SYTL2: variants seen among roughly 807,000 people sequenced by gnomAD.
SYTL2 encodes the protein synaptotagmin like 2.
SYTL2 carries 165 observed loss-of-function variants against 198.7 expected under a neutral mutation model. The ratio of observed to expected loss-of-function variants is 0.83; its 90% CI spans 0.73 to 0.94. The LOEUF (loss-of-function observed/expected upper bound fraction) is 0.94, where lower values mean the gene tolerates loss of function less well. SYTL2 is among the 40% of genes least tolerant of loss of function. The pLI, the probability that SYTL2 is intolerant of heterozygous loss-of-function variation, is 0.00. For missense variants in SYTL2, 2,835 were observed against 2,582.8 expected (o/e 1.10, Z -2.12); for synonymous variants, 966 against 917.7 (o/e 1.05, Z -0.95).
upstream of SYTL2, among the ~76,000 whole-genome samples, chr11:85,815,639 G>C (rs1041621710): frequency 1.3e-5 from 2 of 152,136 alleles, no homozygotes; most frequent in African/African-American, 4.8e-5. Flanking sequence ...ATTAGTGTCT[G>C]CATTTTACAG....
chr11:85,705,017 T>G lies in SYTL2; in HGVS notation c.6030A>C (p.Glu2010Asp). 1 of 1,610,720 alleles carries G rather than the reference T, an allele frequency of 6.2e-7. No homozygotes were observed. Among genetic ancestry groups the G allele is most frequent in the South Asian group, 1.1e-5 (1 of 90,592 alleles). The change falls in exon 16 of 20, where the codon GAA becomes GAC. Residue 2010 changes from glutamate (E) to aspartate (D), a missense_variant. Glu to Asp is a conservative substitution (Grantham distance 45). Coordinates refer to ENST00000359152, the MANE Select transcript of SYTL2 (RefSeq NM_206927.4). The stretch of plus-strand genomic sequence containing the variant: ...ATTTCTGTGTCTTTAAGATTTGTTT[T>G]TCAATTTTATACTGAAGTTCAAAGA... ...VYNEILRYKI[E>D]KQILKTQKLN...
At chr11:85,807,249 C>T (rs572356991) in intron 1 of SYTL2, among the ~76,000 whole-genome samples, 38 of 152,336 alleles carry the variant, frequency 2.5e-4, no homozygotes, top group African/African-American at 8.9e-4. Context: ...CAATGAGATA[C>T]TAGCCACCAA....
At chr11:85,762,958 A>G (rs1364010262) in intron 1 of SYTL2, among the ~76,000 whole-genome samples, 1 of 152,130 alleles carries the variant, frequency 6.6e-6, no homozygotes, top group Non-Finnish European at 1.5e-5. Flanking sequence ...ATGAAAAAAA[A>G]AAATGATGAA....
chr11:85,719,802 A>T (rs2088001757), intron 9 of SYTL2, among the ~76,000 whole-genome samples: 1 of 152,190 alleles, frequency 6.6e-6, no homozygotes, highest in African/African-American at 2.4e-5. Flanking sequence ...ATTTTAGGAA[A>T]TGTTTGGTGA....
At chr11:85,737,771 A>G in intron 4 of SYTL2, 115 bp from the exon 5 acceptor site, 1 of 785,254 alleles carries the variant, frequency 1.3e-6, no homozygotes, top group Non-Finnish European at 2.1e-6. Flanking sequence ...GTGCAGAAGA[A>G]TAAGAAGGAT....
intron 17 of SYTL2, among the ~76,000 whole-genome samples, chr11:85,698,785 A>T (rs472550): frequency 0.99 from 150,250 of 152,366 alleles, 74,089 homozygotes; most frequent in East Asian, 1. Flanking sequence ...GGGATCCACC[A>T]GCCTCAGCCT....
chr11:85,756,787 C>G (rs1054380301), intron 2 of SYTL2, among the ~76,000 whole-genome samples: 2 of 152,142 alleles, frequency 1.3e-5, no homozygotes, highest in South Asian at 4.1e-4. Flanking sequence ...TGTCAAGATA[C>G]GGAAATGGTA....
rs2090451033 is a variant in SYTL2 at position 85,737,569 on chromosome 11, G to T, written c.471+6C>A. The T allele has an allele frequency of 3.1e-6, 5 of 1,610,842 alleles. No individual in the cohort carries two copies. The highest frequency in any genetic ancestry group is 4.2e-6 in the Non-Finnish European group (5 of 1,177,450). ...ACAAGATTTTCAAAATCTGGGCTCA[G>T]TCTACCTTCTCTGGAGACACATTTG... On this transcript the variant is annotated splice_donor_region_variant and intron_variant, in intron 5 of 19. Coordinates refer to ENST00000359152, the MANE Select transcript of SYTL2 (RefSeq NM_206927.4).
intron 2 of SYTL2, among the ~76,000 whole-genome samples, chr11:85,749,340 T>C (rs1175156738): frequency 1.3e-5 from 2 of 152,224 alleles, no homozygotes; most frequent in African/African-American, 4.8e-5. Flanking sequence ...TCTTGGAAGA[T>C]AATGTGCTAA....
the SYTL2 span, among the ~76,000 whole-genome samples, chr11:85,851,234 A>C: frequency 6.6e-6 from 1 of 152,204 alleles, no homozygotes; most frequent in South Asian, 2.1e-4. Flanking sequence ...ACATCTATTT[A>C]ATTGTTTCAA....
intron 1 of SYTL2, among the ~76,000 whole-genome samples, chr11:85,808,025 TTTTGC>T (rs543630041): frequency 1.1e-3 from 161 of 152,152 alleles, no homozygotes; most frequent in African/African-American, 3.6e-3. Context: ...ATATCCCAAG[TTTTGC>T]TTTAATTATT....
the SYTL2 span, among the ~76,000 whole-genome samples, chr11:85,817,880 CAGA>C: frequency 4.7e-5 from 7 of 149,328 alleles, no homozygotes; most frequent in Admixed American, 4.7e-4. Context: ...TTTTCAAGTA[CAGA>C]AGGACCTTTG....
chr11:85,710,532 A>C lies in SYTL2; in HGVS notation c.5745+581T>G, dbSNP rs571441920. On this transcript the variant is annotated intron_variant, in intron 13 of 19. Transcript: ENST00000359152. The stretch of plus-strand genomic sequence containing the variant: ...TGGATATATTTACATATATTTTTAC[A>C]TACATACTACATGCACATACAACTT... Among the ~76,000 whole-genome samples the C allele has an allele frequency of 1.2e-4, 18 of 152,370 alleles. No individual in the cohort carries two copies. The East Asian group carries it at 3.3e-3, about 28-fold the overall frequency.
chr11:85,725,276 A>C lies in SYTL2; in HGVS notation c.4082T>G (p.Leu1361Arg). The part of the protein sequence containing the change: ...EISETVEKVI[L>R]PPRPVLNDVS... ...ATCATTCAATACAGGTCTGGGTGGA[A>C]GAATGACTTTCTCTACAGTCTCCGA... Residue 1361 changes from leucine to arginine, a missense_variant, in exon 8 of 20, where the codon CTT becomes CGT. Transcript: ENST00000359152. 2 of 1,614,194 alleles carry C rather than the reference A, an allele frequency of 1.2e-6. No individual in the cohort carries two copies. Among genetic ancestry groups the C allele is most frequent in the Non-Finnish European group, 1.7e-6 (2 of 1,180,022 alleles).
the SYTL2 span, among the ~76,000 whole-genome samples, chr11:85,844,899 C>A: frequency 2.6e-5 from 4 of 152,170 alleles, no homozygotes; most frequent in Non-Finnish European, 5.9e-5. Context: ...TCCCTACTTG[C>A]TTCTCCAGCC....
At chr11:85,850,860 GT>G in the SYTL2 span, among the ~76,000 whole-genome samples, 6 of 149,894 alleles carry the variant, frequency 4.0e-5, no homozygotes, top group African/African-American at 1.5e-4. Flanking sequence ...AAAATGATGA[GT>G]TCATGTCCTT....
chr11:85,708,369 A>G (rs1285099687), intron 14 of SYTL2, among the ~76,000 whole-genome samples: 1 of 152,148 alleles, frequency 6.6e-6, no homozygotes, highest in Non-Finnish European at 1.5e-5. Context: ...TTGTTTTTAT[A>G]ATAAGAATAA....
intron 2 of SYTL2, among the ~76,000 whole-genome samples, chr11:85,752,917 T>TAAA (rs1162431708): frequency 0.019 from 338 of 17,712 alleles, 82 homozygotes; most frequent in East Asian, 0.026. Context: ...CTGCCTTCAT[T>TAAA]AAAAAAAAAA....
At chr11:85,854,102 G>T in the SYTL2 span, 1 of 152,136 alleles carries the variant, frequency 6.6e-6, no homozygotes, top group African/African-American at 2.4e-5. Context: ...CTCCCAAACT[G>T]CTGAGATTAC....
Sources: gnomAD v4.1 joint callset for allele counts (sites outside exome capture counted in the v4.1 genomes callset) on GRCh38, gnomAD v4.1.1 for gene constraint, MANE v1.5 for transcripts, NCBI Gene and HGNC (gene_info 2026-07-23, HGNC 2026-07-21) for gene names.